SBF2: variants seen among roughly 807,000 people sequenced by gnomAD.
SBF2 encodes SET binding factor 2.
SBF2 carries 112 observed loss-of-function variants against 225.2 expected under a neutral mutation model. The observed-to-expected ratio is 0.50, with a 90% confidence interval of 0.43 to 0.58. The LOEUF (loss-of-function observed/expected upper bound fraction) is 0.58, where lower values mean the gene tolerates loss of function less well. SBF2 is among the 20% of genes least tolerant of loss of function. The pLI is 0.00. For synonymous variants in SBF2, 763 were observed against 773.3 expected (o/e 0.99, Z 0.22); for missense variants, 1,996 against 2,206.2 (o/e 0.90, Z 1.91).
chr11:9,979,593 T>C (rs1336584244), intron 13 of SBF2, among the ~76,000 whole-genome samples: 1 of 152,134 alleles, frequency 6.6e-6, no homozygotes, highest in Non-Finnish European at 1.5e-5. Context: ...TAACTAAAAA[T>C]GTGATCAGTC....
intron 3 of SBF2, among the ~76,000 whole-genome samples, chr11:10,041,862 C>T (rs762469523): frequency 9.3e-5 from 14 of 150,094 alleles, no homozygotes; most frequent in Non-Finnish European, 1.8e-4. Flanking sequence ...TCAATATCTT[C>T]GAAGTCCCCT....
intron 29 of SBF2, among the ~76,000 whole-genome samples, chr11:9,814,378 G>C (rs894410088): frequency 6.6e-6 from 1 of 152,072 alleles, no homozygotes; most frequent in African/African-American, 2.4e-5. Flanking sequence ...ACTTAGAAAT[G>C]GTTAAGATGG....
At chr11:10,071,239 G>T (rs376780126) in intron 2 of SBF2, among the ~76,000 whole-genome samples, 1 of 148,850 alleles carries the variant, frequency 6.7e-6, no homozygotes, top group Non-Finnish European at 1.5e-5. Context: ...GTCTTGTGCC[G>T]GTTTTCTCTT....
chr11:10,298,482 T>C (rs751146984), upstream of SBF2, among the ~76,000 whole-genome samples: 11 of 152,262 alleles, frequency 7.2e-5, no homozygotes, highest in Non-Finnish European at 4.4e-5. Context: ...TAGTGGGCTA[T>C]TGCGGAGTAA....
At chr11:10,106,418 G>A (rs533188659) in intron 2 of SBF2, among the ~76,000 whole-genome samples, 42 of 152,120 alleles carry the variant, frequency 2.8e-4, no homozygotes, top group Non-Finnish European at 5.4e-4. Context: ...CCTGAGGTCA[G>A]GAGTTCGAGA....
At chr11:10,219,837 T>C (rs186008167) in intron 1 of SBF2, among the ~76,000 whole-genome samples, 36 of 152,290 alleles carry the variant, frequency 2.4e-4, no homozygotes, top group Admixed American at 1.3e-3. Context: ...GACTTCATTG[T>C]CCATATCACT....
intron 1 of SBF2, among the ~76,000 whole-genome samples, chr11:10,197,554 G>T (rs954891788): frequency 6.6e-6 from 1 of 152,230 alleles, no homozygotes; most frequent in Non-Finnish European, 1.5e-5. Context: ...CTTCGATGCT[G>T]ATGGCTGCTA....
At chr11:9,829,165 T>C (rs981961059) in intron 28 of SBF2, among the ~76,000 whole-genome samples, 191 bp downstream of exon 28, 1 of 152,198 alleles carries the variant, frequency 6.6e-6, no homozygotes, top group Admixed American at 6.5e-5. Context: ...GTTAAGTTAC[T>C]ATTTACTAGA....
intron 2 of SBF2, among the ~76,000 whole-genome samples, chr11:10,093,811 T>TG (rs1951887062): frequency 6.6e-6 from 1 of 152,184 alleles, no homozygotes. Flanking sequence ...AGCGAAATCT[T>TG]GAAAAACTGT....
At chr11:10,221,755 C>A (rs1356160436) in intron 1 of SBF2, among the ~76,000 whole-genome samples, 2 of 152,062 alleles carry the variant, frequency 1.3e-5, no homozygotes, top group Admixed American at 1.3e-4. Flanking sequence ...CAAAAGCAGA[C>A]AAATATTAGA....
chr11:10,165,937 G>C (rs1955931577), intron 2 of SBF2, among the ~76,000 whole-genome samples: 1 of 152,058 alleles, frequency 6.6e-6, no homozygotes, highest in Admixed American at 6.6e-5. Context: ...CAAGTTAATG[G>C]TCCTATAAAC....
chr11:10,072,334 A>G (rs895289608), intron 2 of SBF2, among the ~76,000 whole-genome samples: 11 of 152,320 alleles, frequency 7.2e-5, no homozygotes, highest in Non-Finnish European at 1.6e-4. Context: ...AGGGAAATTT[A>G]AGATTCTAGT....
At chr11:10,192,042 C>T (rs1429317913) in intron 2 of SBF2, among the ~76,000 whole-genome samples, 1 of 152,036 alleles carries the variant, frequency 6.6e-6, no homozygotes, top group African/African-American at 2.4e-5. Context: ...AGGTAGGAAC[C>T]CACAATAAGT....
At chr11:10,192,822 CTA>C (rs1184489652) in intron 2 of SBF2, among the ~76,000 whole-genome samples, 1 of 152,148 alleles carries the variant, frequency 6.6e-6, no homozygotes, top group Non-Finnish European at 1.5e-5. Context: ...GACACTGCTT[CTA>C]TGTGTTTATG....
At chr11:10,121,127 A>C (rs1953425840) in intron 2 of SBF2, among the ~76,000 whole-genome samples, 1 of 152,132 alleles carries the variant, frequency 6.6e-6, no homozygotes, top group African/African-American at 2.4e-5. Context: ...GTGACATCTC[A>C]TTGTGGTTTT....
At chr11:9,947,885 A>G (rs760417758) in intron 16 of SBF2, among the ~76,000 whole-genome samples, 18 of 152,234 alleles carry the variant, frequency 1.2e-4, no homozygotes, top group Non-Finnish European at 2.1e-4. Context: ...CAGTTCCTCA[A>G]AAAATTAAAA....
intron 16 of SBF2, among the ~76,000 whole-genome samples, chr11:9,900,806 A>T (rs776271524): frequency 6.6e-6 from 1 of 152,282 alleles, no homozygotes; most frequent in South Asian, 2.1e-4. Flanking sequence ...GCACAATCAT[A>T]GTTTACTGCA....
chr11:9,790,754 T>C, intron 33 of SBF2, 71 bp from the exon 34 acceptor site: 1 of 1,178,372 alleles, frequency 8.5e-7, no homozygotes, highest in Non-Finnish European at 1.2e-6. Flanking sequence ...GTATGATGCA[T>C]GCAGCAGATA....
chr11:9,914,732 A>G (rs1564995243), intron 16 of SBF2, among the ~76,000 whole-genome samples: 1 of 152,202 alleles, frequency 6.6e-6, no homozygotes, highest in Non-Finnish European at 1.5e-5. Context: ...GAAAGATACC[A>G]TCAAGAGAAT....
Sources: gnomAD v4.1 joint callset for allele counts (sites outside exome capture counted in the v4.1 genomes callset) on GRCh38, gnomAD v4.1.1 for gene constraint, MANE v1.5 for transcripts, NCBI Gene and HGNC (gene_info 2026-07-23, HGNC 2026-07-21) for gene names.